CACNA1C: variants seen among roughly 807,000 people sequenced by gnomAD.
CACNA1C encodes the protein calcium voltage-gated channel subunit alpha1 C, also known as voltage-dependent L-type calcium channel subunit alpha-1C.
A neutral mutation model predicts 229.0 loss-of-function variants in CACNA1C; 30 were observed. That is an observed-to-expected ratio of 0.13 (90% CI 0.10 to 0.18). The LOEUF (loss-of-function observed/expected upper bound fraction) is 0.18. Ranked by LOEUF, CACNA1C falls within the 10% of genes least tolerant of loss-of-function variation. The pLI is 1.00. For synonymous variants in CACNA1C, 1,114 were observed against 1,132.5 expected (o/e 0.98, Z 0.33); for missense variants, 1,658 against 2,845.0 (o/e 0.58, Z 9.49).
chr12:2,485,224 G>A (rs567124055), intron 5 of CACNA1C, among the ~76,000 whole-genome samples: 28 of 152,052 alleles, frequency 1.8e-4, no homozygotes, highest in Non-Finnish European at 3.2e-4. Flanking sequence ...GGAAGGAGGA[G>A]CTGCCTCCAC....
rs549633174 is a variant in CACNA1C, at chr12:2,300,338, G to A, written c.478-148638G>A. 5.3e-5 allele frequency among the ~76,000 whole-genome samples: 8 copies of A among 152,320 alleles called. No individual in the cohort carries two copies. The South Asian group carries it at 1.5e-3, about 28-fold the overall frequency. ...CATCACATATAAAAAGGACCAGGCC[G>A]GGCACGGCGGGCGGCTCATGCCTGT... On this transcript the variant is annotated intron_variant, in intron 3 of 46. Transcript: ENST00000399655.
chr12:1,976,173 G>C (rs1426896269), intron 1 of CACNA1C, among the ~76,000 whole-genome samples: 1 of 152,060 alleles, frequency 6.6e-6, no homozygotes, highest in Non-Finnish European at 1.5e-5. Flanking sequence ...AAGTCATTTT[G>C]GATTAAAGGT....
At chr12:2,492,053 T>C (rs776950093) in intron 6 of CACNA1C, among the ~76,000 whole-genome samples, 7 of 152,184 alleles carry the variant, frequency 4.6e-5, no homozygotes, top group African/African-American at 7.2e-5. Flanking sequence ...AACTGGGGTC[T>C]CTTCTGTCTG....
chr12:2,690,799 T>G, intron 46 of CACNA1C, 101 bp from the exon 47 acceptor site: 1 of 1,194,858 alleles, frequency 8.4e-7, no homozygotes, highest in Non-Finnish European at 1.2e-6. Context: ...CTTCCCCAAG[T>G]GACCTACCAG....
chr12:2,299,271 G>T (rs1474431329), intron 3 of CACNA1C, among the ~76,000 whole-genome samples: 1 of 152,206 alleles, frequency 6.6e-6, no homozygotes, highest in Non-Finnish European at 1.5e-5. Context: ...ACATCAGGGG[G>T]TGTGGTTTTT....
rs11836452 is a variant in CACNA1C, at chr12:2,399,924, A to G, written c.478-49052A>G. Among the ~76,000 whole-genome samples, 325 of 152,326 alleles carry G rather than the reference A, an allele frequency of 2.1e-3. 1 individual carries two copies. The highest frequency in any genetic ancestry group is 3.4e-3 in the Middle Eastern group (1 of 294). On this transcript the variant is annotated intron_variant, in intron 3 of 46. Transcript: ENST00000399655. ...CTGCTTTTTGGATATATTAATGCCA[A>G]TGTGTCTGCCTGTATGCACCAGGGG...
chr12:2,366,629 A>G (rs969577505), intron 3 of CACNA1C, among the ~76,000 whole-genome samples: 1 of 152,176 alleles, frequency 6.6e-6, no homozygotes, highest in Non-Finnish European at 1.5e-5. Context: ...ACTTTCAAAA[A>G]CTCAAGATAA....
chr12:2,054,382 G>A lies in CACNA1C; in HGVS notation c.49+771G>A, dbSNP rs2053745665. On this transcript the variant is annotated intron_variant, in intron 1 of 46. Coordinates refer to ENST00000399655, the MANE Select transcript of CACNA1C (RefSeq NM_000719.7). The surrounding 1 kb of genome is among the most constrained non-coding windows in gnomAD (Gnocchi z 5.5). Reference sequence around the variant, plus strand: ...GGATGGAAGCGGCGAGGAGCCGGGCGGTGTGTGGGCTTTGCTGTTTCGTGT... The same window carrying A: ...GGATGGAAGCGGCGAGGAGCCGGGCAGTGTGTGGGCTTTGCTGTTTCGTGT... Among the ~76,000 whole-genome samples the A allele has an allele frequency of 6.6e-6, 1 of 152,212 alleles. No individual in the cohort carries two copies. Among genetic ancestry groups the A allele is most frequent in the Admixed American group, 6.5e-5 (1 of 15,282 alleles).
chr12:2,517,628 G>T (rs1049041469), intron 9 of CACNA1C, among the ~76,000 whole-genome samples: 1 of 152,180 alleles, frequency 6.6e-6, no homozygotes, highest in South Asian at 2.1e-4. Flanking sequence ...TAATGTTGAG[G>T]TCTCCCCACT....
rs2096144096 is a variant in CACNA1C, at chr12:2,666,816, G to GA, written c.4623+38dup. The GA allele has an allele frequency of 1.6e-6, 2 of 1,272,840 alleles. No individual in the cohort carries two copies. The highest frequency in any genetic ancestry group is 2.9e-5 in the African/African-American group (2 of 68,162). 78.8% of individuals were successfully genotyped at this position (1,272,840 alleles called of 1,614,324 possible). On this transcript the variant is annotated intron_variant, in intron 37 of 46. Coordinates refer to ENST00000399655, the MANE Select transcript of CACNA1C (RefSeq NM_000719.7). This position sits in a 1 kb window ranked among gnomAD's most constrained non-coding sequence, Gnocchi z 5.3. ...TAACGGGGTTCATGGGAGGGAGAGG[G>GA]AAAATAGGGGAAGTGAAGTGCCCAT...
chr12:2,209,356 A>T (rs2097852249), intron 3 of CACNA1C, among the ~76,000 whole-genome samples: 1 of 152,188 alleles, frequency 6.6e-6, no homozygotes, highest in Admixed American at 6.5e-5. Flanking sequence ...GGTATGTTCG[A>T]CGGTTGTAAT....
At position 2,450,320 on chromosome 12, in the gene CACNA1C, C is replaced by T. The variant is rs58150041; in HGVS notation, c.617+1205C>T. 5.4e-3 allele frequency among the ~76,000 whole-genome samples: 814 copies of T among 151,996 alleles called. 10 individuals are homozygous for T. The highest frequency in any genetic ancestry group is 0.018 in the African/African-American group (763 of 41,440). On this transcript the variant is annotated intron_variant, in intron 4 of 46. Transcript: ENST00000399655. ...CTGTAATCCCAGCACTTTGGGAGGC[C>T]AAGGCGGGCGGATCACGAGGTCAGG...
At chr12:2,326,701 C>G (rs901515761) in intron 3 of CACNA1C, among the ~76,000 whole-genome samples, 1 of 152,228 alleles carries the variant, frequency 6.6e-6, no homozygotes, top group African/African-American at 2.4e-5. Flanking sequence ...TGTATTTCAC[C>G]CTGTTCTCAA....
chr12:2,294,161 A>G (rs2093785806), intron 3 of CACNA1C, among the ~76,000 whole-genome samples: 2 of 152,180 alleles, frequency 1.3e-5, no homozygotes, highest in Non-Finnish European at 2.9e-5. Flanking sequence ...AAGAGTATAT[A>G]TTCATAATTT....
chr12:2,438,266 G>A (rs1321137170), intron 3 of CACNA1C, among the ~76,000 whole-genome samples: 6 of 145,090 alleles, frequency 4.1e-5, no homozygotes, highest in African/African-American at 1.6e-4. Flanking sequence ...GGTGATGGTG[G>A]TGGTGGTAAT....
intron 4 of CACNA1C, among the ~76,000 whole-genome samples, chr12:2,452,982 G>A (rs571128253): frequency 6.6e-6 from 1 of 152,282 alleles, no homozygotes; most frequent in South Asian, 2.1e-4. Context: ...ACTTCTGCCT[G>A]GGATTCAAGG....
intron 29 of CACNA1C, chr12:2,614,010 C>G (rs2079161169): frequency 6.6e-6 from 1 of 152,226 alleles, no homozygotes; most frequent in East Asian, 1.9e-4. Flanking sequence ...AGTGGACTTT[C>G]TGAATCATGC....
chr12:2,211,746 C>A (rs1332120848), intron 3 of CACNA1C, among the ~76,000 whole-genome samples: 2 of 125,306 alleles, frequency 1.6e-5, no homozygotes, highest in African/African-American at 3.2e-5. Flanking sequence ...GAGACAGAGT[C>A]TTGCTCTTTT....
chr12:2,585,968 C>A lies in CACNA1C; in HGVS notation c.2530+64C>A. 3 of 1,018,274 alleles carry A rather than the reference C, an allele frequency of 2.9e-6. No individual in the cohort carries two copies. The highest frequency in any genetic ancestry group is 2.9e-6 in the Non-Finnish European group (2 of 690,470). 63.1% of individuals were successfully genotyped at this position (1,018,274 alleles called of 1,614,324 possible). On this transcript the variant is annotated intron_variant, in intron 18 of 46. Transcript: ENST00000399655. The surrounding 1 kb of genome is among the most constrained non-coding windows in gnomAD (Gnocchi z 4.1). ...GGGGCAGAGATCTAAATTCTAAAGC[C>A]ACGTGGGAGTGGCCATATATTAGGG...
Sources: gnomAD v4.1 joint callset for allele counts (sites outside exome capture counted in the v4.1 genomes callset) on GRCh38, gnomAD v4.1.1 for gene constraint, Gnocchi (gnomAD v3.1) non-coding constraint, MANE v1.5 for transcripts, NCBI Gene and HGNC (gene_info 2026-07-23, HGNC 2026-07-21) for gene names.